Variants in RBM27 observed in about 807,000 individuals in gnomAD.
RBM27 encodes RNA-binding protein 27.
A neutral mutation model predicts 135.3 loss-of-function variants in RBM27; 22 were observed. The observed-to-expected ratio is 0.16, with a 90% CI of 0.12 to 0.23. The LOEUF (loss-of-function observed/expected upper bound fraction) is 0.23, where lower values mean the gene tolerates loss of function less well. Ranked by LOEUF, RBM27 falls within the 10% of genes least tolerant of loss-of-function variation. RBM27 has a pLI of 1.00. For synonymous variants in RBM27, 481 were observed against 442.4 expected (o/e 1.09, Z -1.10); for missense variants, 1,009 against 1,281.0 (o/e 0.79, Z 3.24).
rs114335722 is a variant in RBM27 at position 146,248,804 on chromosome 5, A to G, written c.1280-2907A>G. On this transcript the variant is annotated intron_variant, in intron 8 of 20. Transcript: ENST00000265271. ...TTTGTCAGTAGTTTTAAAAACAGACATTGGGCAAAGTAGCCTTTTGGTTTC... is the reference window on the plus strand; with the variant it reads ...TTTGTCAGTAGTTTTAAAAACAGACGTTGGGCAAAGTAGCCTTTTGGTTTC... Among the ~76,000 whole-genome samples, 258 of 152,246 alleles carry G rather than the reference A, an allele frequency of 1.7e-3. 3 individuals are homozygous for G. Among genetic ancestry groups the G allele is most frequent in the African/African-American group, 6.0e-3 (250 of 41,548 alleles).
chr5:146,226,937 T>G (rs1756705424), intron 3 of RBM27, among the ~76,000 whole-genome samples: 1 of 152,320 alleles, frequency 6.6e-6, no homozygotes, highest in South Asian at 2.1e-4. Flanking sequence ...AGTATTTCTG[T>G]TAGATAATAG....
intron 6 of RBM27, 69 bp downstream of exon 6, chr5:146,230,986 A>T: frequency 6.7e-7 from 1 of 1,487,044 alleles, no homozygotes; most frequent in Non-Finnish European, 9.2e-7. Context: ...CATATATTGC[A>T]TATCTTTTAG....
intron 19 of RBM27, among the ~76,000 whole-genome samples, chr5:146,272,907 G>C (rs911291879): frequency 2.0e-5 from 3 of 152,130 alleles, no homozygotes; most frequent in Non-Finnish European, 4.4e-5. Context: ...TCTTGACCCA[G>C]TTCTTTCCCT....
chr5:146,229,422 C>CT (rs372688927), intron 4 of RBM27, among the ~76,000 whole-genome samples: 2 of 151,838 alleles, frequency 1.3e-5, no homozygotes, highest in Non-Finnish European at 2.9e-5. Context: ...TTTAGGAACA[C>CT]TTTTTTTTGA....
At chr5:146,283,949 T>C (rs1385717590) in intron 19 of RBM27, among the ~76,000 whole-genome samples, 3 of 152,338 alleles carry the variant, frequency 2.0e-5, no homozygotes, top group East Asian at 3.9e-4. Context: ...TCTGAAACTT[T>C]GGATCCCTAG....
In RBM27 at chr5:146,251,722, T is replaced by C; in HGVS notation, c.1291T>C (p.Tyr431His). Reference protein sequence around the residue: ...LYTVSERQPMYSREHGAAASE... With the variant: ...LYTVSERQPMHSREHGAAASE... ...TCTTTCCTCTATAGGACAGCCCATG[T>C]ACTCTCGTGAACATGGTGCTGCTGC... is the stretch of plus-strand genomic sequence containing the variant. The change falls in exon 9 of 21, where the codon TAC becomes CAC. Residue 431 changes from tyrosine to histidine, a missense_variant. Transcript: ENST00000265271. 1 of 1,610,494 alleles carries C rather than the reference T, an allele frequency of 6.2e-7. No individual in the cohort carries two copies. The highest frequency in any genetic ancestry group is 1.1e-5 in the South Asian group (1 of 91,012).
intron 18 of RBM27, among the ~76,000 whole-genome samples, 162 bp downstream of exon 18, chr5:146,271,220 G>C (rs1315412129): frequency 6.6e-6 from 1 of 152,070 alleles, no homozygotes; most frequent in African/African-American, 2.4e-5. Context: ...GACCAACATG[G>C]AGAAACCCCG....
chr5:146,267,917 A>C, intron 15 of RBM27, 149 bp downstream of exon 15: 1 of 888,168 alleles, frequency 1.1e-6, no homozygotes. Context: ...ACTTGGAAAA[A>C]AAAGGTGGAC....
At chr5:146,227,080 C>A (rs537853066) in intron 3 of RBM27, among the ~76,000 whole-genome samples, 1 of 152,104 alleles carries the variant, frequency 6.6e-6, no homozygotes, top group Non-Finnish European at 1.5e-5. Flanking sequence ...CCTTGGTCTT[C>A]GGCTACATTG....
At chr5:146,205,138 TC>T in intron 1 of RBM27, among the ~76,000 whole-genome samples, 1 of 152,240 alleles carries the variant, frequency 6.6e-6, no homozygotes, top group Non-Finnish European at 1.5e-5. Context: ...CTTCAGGTGA[TC>T]CGCTCGCCTT....
At chr5:146,256,315 ATATTTTTATATATAT>A (rs1158855005) in intron 10 of RBM27, among the ~76,000 whole-genome samples, 38 of 146,490 alleles carry the variant, frequency 2.6e-4, no homozygotes, top group South Asian at 2.1e-3. Context: ...ATTTATATAT[ATATTTTTATATATAT>A]TATTTTTATA....
At chr5:146,243,438 T>C (rs1257945608) in intron 8 of RBM27, among the ~76,000 whole-genome samples, 1 of 152,166 alleles carries the variant, frequency 6.6e-6, no homozygotes, top group Non-Finnish European at 1.5e-5. Context: ...AATATGATGC[T>C]CAAAGGAATT....
intron 19 of RBM27, among the ~76,000 whole-genome samples, chr5:146,279,903 T>C (rs1759260008): frequency 1.3e-5 from 2 of 152,112 alleles, no homozygotes; most frequent in Admixed American, 6.5e-5. Flanking sequence ...TTCTTAGGTA[T>C]CTTTATAGAA....
Position 146,269,309 on chromosome 5 carries a change from CTAGAATTGATGTA to C in RBM27, c.2526+39_2526+51del. 2.6e-6 allele frequency: 4 copies of C among 1,548,254 alleles called. No homozygotes were observed. The South Asian group carries it at 3.5e-5, about 13-fold the overall frequency. On this transcript the variant is annotated intron_variant, in intron 16 of 20. Transcript: ENST00000265271. ...AAGACAAGAGCTCATTATTTGCATG[CTAGAATTGATGTA>C]TAGAATTGATTTTAAAAGTATTATT...
chr5:146,258,242 T>C (rs1365061429), intron 10 of RBM27, among the ~76,000 whole-genome samples: 1 of 152,228 alleles, frequency 6.6e-6, no homozygotes, highest in Non-Finnish European at 1.5e-5. Context: ...GAGTCAATTA[T>C]TACATCGAGG....
At chr5:146,209,338 A>G (rs1755839393) in intron 1 of RBM27, among the ~76,000 whole-genome samples, 1 of 152,234 alleles carries the variant, frequency 6.6e-6, no homozygotes, top group African/African-American at 2.4e-5. Context: ...TCCTATAGGT[A>G]GGAACAGGAA....
At chr5:146,203,880 G>C in intron 1 of RBM27, 56 bp downstream of exon 1, 1 of 1,471,836 alleles carries the variant, frequency 6.8e-7, no homozygotes, top group Non-Finnish European at 9.2e-7. Context: ...GGGCTCGCGG[G>C]GGCGTGGGGG....
chr5:146,217,321 A>G (rs1581143970), intron 1 of RBM27, among the ~76,000 whole-genome samples: 1 of 152,122 alleles, frequency 6.6e-6, no homozygotes, highest in Non-Finnish European at 1.5e-5. Flanking sequence ...TAATATTGAC[A>G]ACAAAAAAAG....
chr5:146,271,790 A>T (rs962627626), intron 19 of RBM27, 116 bp downstream of exon 19: 1 of 880,718 alleles, frequency 1.1e-6, no homozygotes, highest in Non-Finnish European at 1.7e-6. Flanking sequence ...GTTGTAAAAA[A>T]CATGAGTACT....
Sources: gnomAD v4.1 joint callset for allele counts (sites outside exome capture counted in the v4.1 genomes callset) on GRCh38, gnomAD v4.1.1 for gene constraint, MANE v1.5 for transcripts, NCBI Gene and HGNC (gene_info 2026-07-23, HGNC 2026-07-21) for gene names.